WDR17: variants seen among roughly 807,000 people sequenced by gnomAD.
WDR17 encodes the protein WD repeat-containing protein 17.
Under a neutral mutation model 161.7 loss-of-function variants are expected in WDR17, and 143 were observed. The ratio of observed to expected loss-of-function variants is 0.88; its 90% confidence interval spans 0.77 to 1.02. WDR17 has a LOEUF of 1.02. Ranked by LOEUF, WDR17 falls within the 50% of genes least tolerant of loss-of-function variation. The probability of loss-of-function intolerance (pLI) is 0.00; values close to 1 mark genes in which losing one functional copy is unlikely to be tolerated. For synonymous variants in WDR17, 517 were observed against 515.6 expected, an observed-to-expected ratio of 1.00 and a Z score of -0.04; for missense variants, 1,469 against 1,520.9, an observed-to-expected ratio of 0.97 and a Z score of 0.57.
chr4:176,132,870 C>T (rs1743691094), intron 7 of WDR17, among the ~76,000 whole-genome samples: 1 of 151,808 alleles, frequency 6.6e-6, no homozygotes, highest in African/African-American at 2.4e-5. Context: ...GTAAGAACAG[C>T]AGGATATACT....
intron 11 of WDR17, among the ~76,000 whole-genome samples, chr4:176,142,309 C>T (rs1038667304): frequency 4.6e-5 from 7 of 152,066 alleles, no homozygotes; most frequent in Admixed American, 6.5e-5. Flanking sequence ...CTTTCTAATA[C>T]TTAGGAAAAA....
intron 2 of WDR17, among the ~76,000 whole-genome samples, chr4:176,113,109 A>G (rs918946180): frequency 1.3e-5 from 2 of 151,868 alleles, no homozygotes; most frequent in African/African-American, 2.4e-5. Context: ...TTCATACACA[A>G]CACAGCAGCA....
Position 176,135,236 on chromosome 4 carries a change from G to A in WDR17, c.1227G>A (p.Pro409=), listed in dbSNP as rs745978848. Residue 409 remains proline (P), a synonymous_variant, in exon 8 of 29, where the codon CCG becomes CCA. Coordinates refer to ENST00000508596, the MANE Select transcript of WDR17 (RefSeq NM_181265.4). ...CATTAACAGCAGTGTACACATCCCC[G>A]GGTAATGAAGGTGTTATTTATTCCC... ...INTLTAVYTS[P]GNEGVIYSLS... 1.6e-5 allele frequency: 25 copies of A among 1,612,014 alleles called. No homozygotes were observed. Among genetic ancestry groups the A allele is most frequent in the East Asian group, 4.5e-5 (2 of 44,794 alleles).
At chr4:176,168,809 G>T (rs375037935) in intron 23 of WDR17, 26 bp downstream of exon 23, 9 of 1,597,542 alleles carry the variant, frequency 5.6e-6, no homozygotes, top group Non-Finnish European at 7.7e-6. Context: ...TAAATATTCT[G>T]GTTTGGAATG....
chr4:176,108,666 G>A (rs535039831), intron 1 of WDR17, among the ~76,000 whole-genome samples: 1 of 152,062 alleles, frequency 6.6e-6, no homozygotes, highest in Non-Finnish European at 1.5e-5. Flanking sequence ...GTTATGGGGT[G>A]GGGGAGGCTA....
intron 1 of WDR17, among the ~76,000 whole-genome samples, chr4:176,076,356 A>G (rs943663853): frequency 9.9e-6 from 1 of 100,730 alleles, no homozygotes; most frequent in Non-Finnish European, 2.0e-5. Flanking sequence ...AGCACTTTTG[A>G]TCTGCCTATT....
Position 176,125,207 on chromosome 4 carries a change from T to C in WDR17, c.642T>C (p.Tyr214=), listed in dbSNP as rs768577545. The C allele has an allele frequency of 5.0e-6, 8 of 1,614,180 alleles. No individual in the cohort carries two copies. In the South Asian group the frequency reaches 7.7e-5, roughly 16 times the overall value. The change falls in exon 5 of 29, where the codon TAT becomes TAC. Residue 214 remains tyrosine, a synonymous_variant. Coordinates refer to ENST00000508596, the MANE Select transcript of WDR17 (RefSeq NM_181265.4). ...ALEWDPLSTD[Y]LLVVNLHYGI... is the part of the protein sequence containing the mutation. ...AATGGGACCCACTATCTACTGATTATCTTCTAGTGGTTAATTTGCATTATG... is the reference window on the plus strand; with the variant it reads ...AATGGGACCCACTATCTACTGATTACCTTCTAGTGGTTAATTTGCATTATG...
chr4:176,157,219 CTG>C (rs1191050896), intron 18 of WDR17, among the ~76,000 whole-genome samples: 1 of 152,146 alleles, frequency 6.6e-6, no homozygotes, highest in African/African-American at 2.4e-5. Context: ...ATGCCAATCA[CTG>C]TGCTAATCTT....
At chr4:176,117,952 C>CT (rs940793836) in intron 3 of WDR17, among the ~76,000 whole-genome samples, 4 of 151,156 alleles carry the variant, frequency 2.6e-5, no homozygotes, top group African/African-American at 4.9e-5. Context: ...ATTAAGTGAA[C>CT]TTTTTTTTTC....
At chr4:176,168,616 A>T (rs761363764) in intron 22 of WDR17, 56 bp from the exon 23 acceptor site, 2 of 1,604,570 alleles carry the variant, frequency 1.2e-6, no homozygotes, top group Non-Finnish European at 1.7e-6. Context: ...GATAGTTATG[A>T]ATGTTATTTT....
chr4:176,177,506 A>C lies in WDR17; in HGVS notation c.3584A>C (p.Asp1195Ala), dbSNP rs1006930636. ...LEDSPYTPPS[D>A]SQRMIYATLL... ...GACTCTCCGTATACACCCCCTTCTG[A>C]TTCACAAAGAATGATTTATGCAACT... The change falls in exon 28 of 29, where the codon GAT (aspartate) becomes GCT (alanine). Residue 1195 changes from aspartate to alanine, a missense_variant. By Grantham distance (126) the Asp-to-Ala change is moderately radical (BLOSUM62 -2). Transcript: ENST00000508596. The C allele has an allele frequency of 5.1e-6, 8 of 1,582,110 alleles. No individual in the cohort carries two copies. In the Admixed American group the frequency reaches 8.2e-5, roughly 16 times the overall value.
intron 16 of WDR17, among the ~76,000 whole-genome samples, chr4:176,151,213 C>T (rs1747051124): frequency 6.6e-6 from 1 of 152,158 alleles, no homozygotes; most frequent in African/African-American, 2.4e-5. Context: ...ACTGTAACCA[C>T]AAAATCTATT....
In WDR17 at chr4:176,173,281, T is replaced by C; in HGVS notation, c.3259T>C (p.Ser1087Pro). ...AATTTTTCCAGAATACATCAGTAGCTCAGACTGGACTTTGGATACCATATA... is the reference window on the plus strand; with the variant it reads ...AATTTTTCCAGAATACATCAGTAGCCCAGACTGGACTTTGGATACCATATA... ...ISFVKEYISSSDWTLDTIYPV... is the reference protein window; with the variant it reads ...ISFVKEYISSPDWTLDTIYPV... Residue 1087 changes from serine to proline, a missense_variant, in exon 25 of 29, where the codon TCA (serine) becomes CCA (proline). Physicochemically the swap from Ser to Pro is moderately conservative, Grantham distance 74 (BLOSUM62 -1). Transcript: ENST00000508596. 6.2e-7 allele frequency: 1 copy of C among 1,609,606 alleles called. No homozygotes were observed. Among genetic ancestry groups the C allele is most frequent in the Non-Finnish European group, 8.5e-7 (1 of 1,178,312 alleles).
At chr4:176,123,531 A>C (rs1190704333) in intron 4 of WDR17, among the ~76,000 whole-genome samples, 1 of 152,148 alleles carries the variant, frequency 6.6e-6, no homozygotes, top group Non-Finnish European at 1.5e-5. Flanking sequence ...CCCTCCTTGC[A>C]TTTGATTAGT....
intron 1 of WDR17, among the ~76,000 whole-genome samples, chr4:176,102,133 AAT>A (rs1737920367): frequency 6.6e-6 from 1 of 152,200 alleles, no homozygotes; most frequent in Non-Finnish European, 1.5e-5. Flanking sequence ...TGTTATCCAA[AAT>A]ATACAAATAA....
intron 1 of WDR17, among the ~76,000 whole-genome samples, chr4:176,081,916 G>T (rs1480491081): frequency 5.9e-5 from 9 of 152,132 alleles, no homozygotes; most frequent in African/African-American, 1.9e-4. Context: ...TGAGATCAGT[G>T]TAATTCCACC....
chr4:176,143,469 G>A (rs1007572140), intron 11 of WDR17, among the ~76,000 whole-genome samples: 1 of 149,668 alleles, frequency 6.7e-6, no homozygotes, highest in Non-Finnish European at 1.5e-5. Context: ...TTCAATACCA[G>A]CCTGGGCAAC....
At chr4:176,133,392 A>G in intron 7 of WDR17, among the ~76,000 whole-genome samples, 1 of 148,154 alleles carries the variant, frequency 6.7e-6, no homozygotes, top group Non-Finnish European at 1.5e-5. Flanking sequence ...AAAAAAAAAA[A>G]AAAAAAAAAA....
intron 12 of WDR17, 115 bp from the exon 13 acceptor site, chr4:176,148,018 A>C: frequency 2.6e-6 from 2 of 756,328 alleles, no homozygotes; most frequent in East Asian, 3.0e-5. Context: ...ATCTTGAGAC[A>C]TAAAATGCTT....
Sources: allele counts gnomAD v4.1 joint callset (sites outside exome capture counted in the v4.1 genomes callset), GRCh38; gene constraint gnomAD v4.1.1; transcripts MANE v1.5; gene names NCBI Gene and HGNC (gene_info 2026-07-23, HGNC 2026-07-21).